The following SPTBN1 variants were observed in gnomAD, a reference collection of about 807,000 sequenced individuals.
SPTBN1 encodes the protein spectrin beta chain, non-erythrocytic 1.
In SPTBN1, 32 loss-of-function variants were observed where a neutral mutation model predicts 266.4. The observed-to-expected ratio is 0.12, with a 90% CI of 0.09 to 0.16. SPTBN1 has a LOEUF of 0.16. Among genes scored for constraint, SPTBN1 ranks in the 10% least tolerant of loss-of-function variants. SPTBN1 has a pLI of 1.00. For missense variants in SPTBN1, 2,296 were observed against 3,067.1 expected (o/e 0.75, Z 5.94); for synonymous variants, 1,336 against 1,162.2 (o/e 1.15, Z -3.04).
At chr2:54,575,377 G>C (rs13386146) in intron 2 of SPTBN1, among the ~76,000 whole-genome samples, 47,841 of 152,110 alleles carry the variant, frequency 0.31, 9,303 homozygotes, top group African/African-American at 0.56. Flanking sequence ...TGCTATTGAT[G>C]AGTAAATTCT....
In SPTBN1 at chr2:54,647,258, A is replaced by T; in HGVS notation, c.4994A>T (p.Glu1665Val). ...SRALVADSHP[E>V]SERISMRQSK... ...GCCCTGGTGGCCGACAGCCATCCTGAAAGGTGAGCGCTGCTTCATGAGTGT... is the reference window on the plus strand; with the variant it reads ...GCCCTGGTGGCCGACAGCCATCCTGTAAGGTGAGCGCTGCTTCATGAGTGT... Residue 1665 changes from glutamate to valine, a missense_variant, in exon 24 of 36, where the codon GAA (glutamate) becomes GTA (valine). Physicochemically the swap from Glu to Val is moderately radical, Grantham distance 121 (BLOSUM62 -2). Coordinates refer to ENST00000356805, the MANE Select transcript of SPTBN1 (RefSeq NM_003128.3). 1 of 1,613,750 alleles carries T rather than the reference A, an allele frequency of 6.2e-7. No individual in the cohort carries two copies. The highest frequency in any genetic ancestry group is 8.5e-7 in the Non-Finnish European group (1 of 1,180,028).
rs1012166130 is a variant in SPTBN1 at position 54,632,717 on chromosome 2, G to T, written c.3716G>T (p.Gly1239Val). ...ACTGGCCGGAGGCTGGTGAGCGATG[G>T]GAACATCAACTCAGATCGCATCCAG... ...VETGRRLVSD[G>V]NINSDRIQEK... Residue 1239 changes from glycine (G) to valine (V), a missense_variant, in exon 17 of 36, where the codon GGG (glycine) becomes GTG (valine). Coordinates refer to ENST00000356805, the MANE Select transcript of SPTBN1 (RefSeq NM_003128.3). 4 of 1,614,172 alleles carry T rather than the reference G, an allele frequency of 2.5e-6. No homozygotes were observed. The South Asian group carries it at 4.4e-5, about 18-fold the overall frequency.
intron 2 of SPTBN1, among the ~76,000 whole-genome samples, chr2:54,537,841 T>C (rs1261556651): frequency 6.6e-6 from 1 of 152,124 alleles, no homozygotes; most frequent in Non-Finnish European, 1.5e-5. Context: ...CTGGTTCCAG[T>C]TGGAAATATT....
rs201598698 is a variant in SPTBN1 at position 54,629,732 on chromosome 2, C to T, written c.2598C>T (p.Asp866=). ...SEADACELWI[D]EKEQWLNNMQ... ...CTGATGCCTGTGAGCTCTGGATCGA[C>T]GAGAAGGAGCAGTGGCTCAACAACA... Residue 866 remains aspartate (D), a synonymous_variant, in exon 14 of 36, where the codon GAC becomes GAT. Coordinates refer to ENST00000356805, the MANE Select transcript of SPTBN1 (RefSeq NM_003128.3). 67 of 1,612,256 alleles carry T rather than the reference C, an allele frequency of 4.2e-5. No individual in the cohort carries two copies. The African/African-American group carries it at 6.3e-4, about 15-fold the overall frequency.
At chr2:54,613,515 A>G (rs1294344619) in intron 4 of SPTBN1, among the ~76,000 whole-genome samples, 1 of 152,228 alleles carries the variant, frequency 6.6e-6, no homozygotes, top group Non-Finnish European at 1.5e-5. Flanking sequence ...AATGAGTTAC[A>G]GGAAGAAATA....
chr2:54,531,676 A>G (rs999971825), intron 2 of SPTBN1, among the ~76,000 whole-genome samples: 2 of 151,936 alleles, frequency 1.3e-5, no homozygotes, highest in African/African-American at 4.8e-5. Flanking sequence ...CATTACAACA[A>G]TGAATCGGCC....
chr2:54,482,700 T>C (rs933838839), intron 1 of SPTBN1, among the ~76,000 whole-genome samples: 3 of 152,194 alleles, frequency 2.0e-5, no homozygotes, highest in African/African-American at 7.2e-5. Context: ...GGCTGCCCTG[T>C]TGGATAGTAT....
At chr2:54,662,887 A>G (rs894709551) in intron 32 of SPTBN1, 3 of 152,212 alleles carry the variant, frequency 2.0e-5, no homozygotes, top group South Asian at 2.1e-4. Flanking sequence ...ACTTGTGCGC[A>G]CACACACCCC....
At chr2:54,587,803 C>T (rs1000922764) in intron 2 of SPTBN1, among the ~76,000 whole-genome samples, 3 of 152,046 alleles carry the variant, frequency 2.0e-5, no homozygotes, top group South Asian at 2.1e-4. Context: ...CACTCCATCC[C>T]GTAAGTGAAG....
At chr2:54,537,931 G>A (rs1176507610) in intron 2 of SPTBN1, among the ~76,000 whole-genome samples, 1 of 152,220 alleles carries the variant, frequency 6.6e-6, no homozygotes, top group African/African-American at 2.4e-5. Flanking sequence ...ATGGAGTGTG[G>A]AGGGACATAA....
intron 1 of SPTBN1, among the ~76,000 whole-genome samples, chr2:54,496,234 T>TC (rs796208466): frequency 2.0e-5 from 3 of 151,974 alleles, no homozygotes; most frequent in African/African-American, 7.2e-5. Context: ...GCTCAGGAGT[T>TC]CGAGACCAGC....
chr2:54,469,973 TC>T (rs1463282330), intron 1 of SPTBN1, among the ~76,000 whole-genome samples: 6 of 152,174 alleles, frequency 3.9e-5, no homozygotes, highest in African/African-American at 1.2e-4. Flanking sequence ...TGTCTTTCAT[TC>T]TCTGTTTCAA....
At chr2:54,573,490 C>T (rs1174457599) in intron 2 of SPTBN1, among the ~76,000 whole-genome samples, 1 of 152,170 alleles carries the variant, frequency 6.6e-6, no homozygotes, top group Non-Finnish European at 1.5e-5. Context: ...TGCTGTGTGG[C>T]CGGTTCCTAA....
At chr2:54,501,885 C>G (rs116644210) in intron 1 of SPTBN1, among the ~76,000 whole-genome samples, 38 of 152,256 alleles carry the variant, frequency 2.5e-4, no homozygotes, top group African/African-American at 8.7e-4. Flanking sequence ...ATAGAGACTT[C>G]GTGAGAAAAG....
intron 1 of SPTBN1, among the ~76,000 whole-genome samples, chr2:54,485,781 G>T (rs1179987254): frequency 1.3e-5 from 2 of 151,326 alleles, no homozygotes; most frequent in Admixed American, 6.6e-5. Context: ...CATCTAGGAA[G>T]TGAGGAGCGT....
Position 54,558,790 on chromosome 2 carries a change from G to A in SPTBN1, c.148+32224G>A, listed in dbSNP as rs922069931. 11 of 1,613,386 alleles carry A rather than the reference G, an allele frequency of 6.8e-6. No individual in the cohort carries two copies. The highest frequency in any genetic ancestry group is 9.3e-6 in the Non-Finnish European group (11 of 1,179,564). On this transcript the variant is annotated intron_variant, in intron 2 of 35. Transcript: ENST00000356805. The surrounding 1 kb of genome is among the most constrained non-coding windows in gnomAD (Gnocchi z 4.6). ...TTACGCCGGGCATAATGGAATTGCA[G>A]AGGACGTCTAGTATCTCCGGGCCGC...
At position 54,649,756 on chromosome 2, in the gene SPTBN1, G is replaced by A. The variant is rs1278572756; in HGVS notation, c.5344G>A (p.Gly1782Ser). The change falls in exon 26 of 36, where the codon GGC (glycine) becomes AGC (serine). Residue 1782 changes from glycine to serine, a missense_variant. Gly to Ser is a moderately conservative substitution (Grantham distance 56). Around this residue, in one of 12 missense-constraint regions of SPTBN1, gnomAD observed 644 missense variants for 745.3 expected, o/e 0.86. Coordinates refer to ENST00000356805, the MANE Select transcript of SPTBN1 (RefSeq NM_003128.3). The surrounding 1 kb of genome is among the most constrained non-coding windows in gnomAD (Gnocchi z 6.7). ...CGCCACCATCGCTGAATGGAAGGAT[G>A]GCCTCAATGAAGCCTGGGCCGACCT... ...DAATIAEWKD[G>S]LNEAWADLLE... 5.0e-6 allele frequency: 8 copies of A among 1,614,076 alleles called. No homozygotes were observed. The highest frequency in any genetic ancestry group is 6.8e-6 in the Non-Finnish European group (8 of 1,180,042).
chr2:54,588,966 A>G (rs1675485437), intron 2 of SPTBN1, among the ~76,000 whole-genome samples: 1 of 152,072 alleles, frequency 6.6e-6, no homozygotes, highest in Admixed American at 6.5e-5. Flanking sequence ...TAGTAGATGT[A>G]TATATTTATG....
Position 54,487,832 on chromosome 2 carries a change from C to CTTTTTTTTTTTTTTTT in SPTBN1, c.-48+31329_-48+31330insTTTTTTTTTTTTTTTT, listed in dbSNP as rs70944169. ...TTCACTTGATGGTCTCCTCCTGTGT[C>CTTTTTTTTTTTTTTTT]TTTTTTTTTTTTTTTGAGACGGAGT... is the stretch of plus-strand genomic sequence containing the variant. On this transcript the variant is annotated intron_variant, in intron 1 of 35. Coordinates refer to ENST00000356805, the MANE Select transcript of SPTBN1 (RefSeq NM_003128.3). Among the ~76,000 whole-genome samples the CTTTTTTTTTTTTTTTT allele has an allele frequency of 1.4e-3, 97 of 68,636 alleles. 17 individuals carry two copies. Among genetic ancestry groups the CTTTTTTTTTTTTTTTT allele is most frequent in the Non-Finnish European group, 1.8e-3 (72 of 39,040 alleles). 45.0% of individuals were successfully genotyped at this position (68,636 alleles called of 152,430 possible).
Sources: allele counts gnomAD v4.1 joint callset (sites outside exome capture counted in the v4.1 genomes callset), GRCh38; gene constraint gnomAD v4.1.1; regional missense constraint gnomAD v4.1.1; non-coding constraint Gnocchi (gnomAD v3.1); transcripts MANE v1.5; gene names NCBI Gene and HGNC (gene_info 2026-07-23, HGNC 2026-07-21).